ANKS1B: variants seen among roughly 807,000 people sequenced by gnomAD.
ANKS1B encodes ankyrin repeat and sterile alpha motif domain-containing protein 1B.
Under a neutral mutation model 148.3 loss-of-function variants are expected in ANKS1B, and 36 were observed. The ratio of observed to expected loss-of-function variants is 0.24; its 90% CI spans 0.19 to 0.32. The LOEUF is 0.32. Among genes scored for constraint, ANKS1B ranks in the 10% least tolerant of loss-of-function variants. ANKS1B has a pLI of 1.00. For missense variants in ANKS1B, 1,157 were observed against 1,542.6 expected (o/e 0.75, Z 4.19); for synonymous variants, 542 against 560.8 (o/e 0.97, Z 0.47).
At chr12:99,451,704 G>GT (rs879365665) in intron 10 of ANKS1B, among the ~76,000 whole-genome samples, 1 of 152,034 alleles carries the variant, frequency 6.6e-6, no homozygotes, top group African/African-American at 2.4e-5. Flanking sequence ...TGAAATTCTG[G>GT]TATATTTAAC....
rs138506737 is a variant in ANKS1B at position 99,322,058 on chromosome 12, G to T, written c.1757-75194C>A. Among the ~76,000 whole-genome samples, 257 of 152,206 alleles carry T rather than the reference G, an allele frequency of 1.7e-3. 1 individual carries two copies. Among genetic ancestry groups the T allele is most frequent in the African/African-American group, 5.9e-3 (246 of 41,522 alleles). ...TTCTACTATAAAGACAAATGCACAC[G>T]TATGTTTATTGCAGCACTATTTACA... On this transcript the variant is annotated intron_variant, in intron 12 of 26. Transcript: ENST00000683438.
chr12:99,416,440 A>G (rs11109833), intron 11 of ANKS1B, among the ~76,000 whole-genome samples: 1 of 152,172 alleles, frequency 6.6e-6, no homozygotes, highest in Non-Finnish European at 1.5e-5. Flanking sequence ...CTGTTTTCCA[A>G]AATTGCTGTA....
chr12:99,351,495 C>T (rs2091417526), intron 12 of ANKS1B, among the ~76,000 whole-genome samples: 1 of 151,408 alleles, frequency 6.6e-6, no homozygotes, highest in African/African-American at 2.4e-5. Context: ...TGGTAGAAAA[C>T]ACATTTTAAA....
intron 10 of ANKS1B, among the ~76,000 whole-genome samples, chr12:99,445,683 C>T (rs78507232): frequency 6.6e-6 from 1 of 151,580 alleles, no homozygotes; most frequent in Non-Finnish European, 1.5e-5. Flanking sequence ...AATTTTTTTT[C>T]AAAAGAATCC....
chr12:98,915,554 T>C (rs1012832810), intron 17 of ANKS1B, among the ~76,000 whole-genome samples: 2 of 152,110 alleles, frequency 1.3e-5, no homozygotes, highest in Non-Finnish European at 2.9e-5. Flanking sequence ...GCTTTCACCA[T>C]GCTGGCCAGG....
At chr12:99,388,167 T>C (rs2093946067) in intron 12 of ANKS1B, among the ~76,000 whole-genome samples, 1 of 152,158 alleles carries the variant, frequency 6.6e-6, no homozygotes, top group South Asian at 2.1e-4. Context: ...TCTGTTAGCT[T>C]TAAGAGACTG....
chr12:99,323,116 A>G (rs1164429445), intron 12 of ANKS1B, among the ~76,000 whole-genome samples: 3 of 152,098 alleles, frequency 2.0e-5, no homozygotes, highest in Non-Finnish European at 4.4e-5. Context: ...TATCCTCCAA[A>G]AAGTTTCTAC....
chr12:99,911,456 G>C (rs192818698), intron 1 of ANKS1B, among the ~76,000 whole-genome samples: 219 of 152,216 alleles, frequency 1.4e-3, no homozygotes, highest in Non-Finnish European at 2.7e-3. Flanking sequence ...TTAAAAATCT[G>C]AGTCTTCAGT....
intron 9 of ANKS1B, among the ~76,000 whole-genome samples, chr12:99,593,221 G>T (rs1204785440): frequency 6.6e-6 from 1 of 151,732 alleles, no homozygotes. Context: ...AAGAGGAGAG[G>T]TCCATTCAGA....
intron 12 of ANKS1B, among the ~76,000 whole-genome samples, chr12:99,289,309 A>C (rs1602458213): frequency 6.6e-6 from 1 of 152,202 alleles, no homozygotes; most frequent in Middle Eastern, 3.4e-3. Context: ...AGATCCCAAT[A>C]CAATAACAGC....
rs538779978 is a variant in ANKS1B at position 98,880,685 on chromosome 12, G to A, written c.2779-48549C>T. ...CAGGAGACTGAGGCAGGAGAATGGC[G>A]TGAACCCGGAAGGCGGAGCTTGCAG... On this transcript the variant is annotated intron_variant, in intron 17 of 26. Transcript: ENST00000683438. Among the ~76,000 whole-genome samples, 5 of 152,148 alleles carry A rather than the reference G, an allele frequency of 3.3e-5. No homozygotes were observed. In the East Asian group the frequency reaches 5.8e-4, roughly 18 times the overall value.
rs1010249861 is a variant in ANKS1B at position 99,652,481 on chromosome 12, A to AT, written c.1272+2585_1272+2586insA. ...GAGCGAGACTCCATCTGAAAAAAAA[A>AT]GAAAAATTTATAGTGAGAGAAACAT... On this transcript the variant is annotated intron_variant, in intron 9 of 26. Transcript: ENST00000683438. 6.8e-4 allele frequency among the ~76,000 whole-genome samples: 104 copies of AT among 152,256 alleles called. 2 individuals carry two copies. The highest frequency in any genetic ancestry group is 2.4e-3 in the African/African-American group (100 of 41,554).
At chr12:99,974,003 T>A (rs1405626290) in intron 1 of ANKS1B, among the ~76,000 whole-genome samples, 1 of 152,130 alleles carries the variant, frequency 6.6e-6, no homozygotes, top group East Asian at 1.9e-4. Context: ...TCAAACAGCA[T>A]CCCATGCTAC....
intron 17 of ANKS1B, among the ~76,000 whole-genome samples, chr12:98,923,335 A>G (rs1423293760): frequency 2.6e-5 from 4 of 152,198 alleles, no homozygotes; most frequent in Non-Finnish European, 5.9e-5. Context: ...TTCCAGGATC[A>G]TGAGCCAAAT....
rs149904693 is a variant in ANKS1B, at chr12:99,011,450, C to T, written c.2778+41707G>A. ...CAAACACTTGCTAGTTGAAGGAGTG[C>T]TAAGATTATGGATATAACAATTGAT... On this transcript the variant is annotated intron_variant, in intron 17 of 26. Coordinates refer to ENST00000683438, the MANE Select transcript of ANKS1B (RefSeq NM_001352186.2). Among the ~76,000 whole-genome samples, 5 of 152,228 alleles carry T rather than the reference C, an allele frequency of 3.3e-5. No individual in the cohort carries two copies. In the East Asian group the frequency reaches 9.6e-4, roughly 29 times the overall value.
intron 12 of ANKS1B, among the ~76,000 whole-genome samples, chr12:99,368,143 A>C (rs1327257433): frequency 6.6e-6 from 1 of 152,132 alleles, no homozygotes; most frequent in Non-Finnish European, 1.5e-5. Flanking sequence ...GATTCAAATA[A>C]ATTTTAAATT....
chr12:98,897,155 A>G (rs182937265), intron 17 of ANKS1B, among the ~76,000 whole-genome samples: 25 of 152,258 alleles, frequency 1.6e-4, no homozygotes, highest in African/African-American at 5.5e-4. Context: ...GAGAGCTGGG[A>G]GGGGAAGTCG....
chr12:99,346,149 T>C (rs1326453235), intron 12 of ANKS1B, among the ~76,000 whole-genome samples: 1 of 151,988 alleles, frequency 6.6e-6, no homozygotes, highest in Non-Finnish European at 1.5e-5. Flanking sequence ...TATATTTGCT[T>C]CAAGAGACAG....
chr12:99,264,497 G>GT (rs1334051096), intron 12 of ANKS1B, among the ~76,000 whole-genome samples: 2 of 152,052 alleles, frequency 1.3e-5, no homozygotes, highest in African/African-American at 4.8e-5. Flanking sequence ...TGATCTTACA[G>GT]TTTTAACCCT....
Sources: gnomAD v4.1 joint callset for allele counts (sites outside exome capture counted in the v4.1 genomes callset) on GRCh38, gnomAD v4.1.1 for gene constraint, MANE v1.5 for transcripts, NCBI Gene and HGNC (gene_info 2026-07-23, HGNC 2026-07-21) for gene names.